The following GDF1 variants were observed in gnomAD, a reference collection of about 807,000 sequenced individuals.
The protein encoded by GDF1 is growth differentiation factor 1, also known as embryonic growth/differentiation factor 1.
In GDF1, 8 loss-of-function variants were observed where a neutral mutation model predicts 7.4. The observed-to-expected ratio is 1.09, with a 90% CI of 0.64 to 1.96. The LOEUF is 1.96. Ranked by LOEUF, GDF1 falls within the 30% of genes most tolerant of loss-of-function variation. The probability of loss-of-function intolerance (pLI) is 0.00; values close to 1 mark genes in which losing one functional copy is unlikely to be tolerated. For synonymous variants in GDF1, 311 were observed against 276.7 expected (o/e 1.12, Z -1.23); for missense variants, 574 against 551.5 (o/e 1.04, Z -0.41).
At position 18,878,006 on chromosome 19, in the gene GDF1, C is replaced by T; in HGVS notation, c.-313+924G>A. 2 of 985,548 alleles carry T rather than the reference C, an allele frequency of 2.0e-6. No homozygotes were observed. Among genetic ancestry groups the T allele is most frequent in the Non-Finnish European group, 2.4e-6 (2 of 829,976 alleles). 61.1% of individuals were successfully genotyped at this position (985,548 alleles called of 1,614,324 possible). A position where few individuals can be genotyped will look rare whatever the true frequency, so the allele number is the denominator to read the frequency against. On this transcript the variant is annotated intron_variant, in intron 6 of 7. Coordinates refer to ENST00000247005, the MANE Select transcript of GDF1 (RefSeq NM_001492.6). The surrounding 1 kb of genome is among the most constrained non-coding windows in gnomAD (Gnocchi z 4.6). The stretch of plus-strand genomic sequence containing the variant: ...CAAACAGGGTGGGGGGTCTGACGCT[C>T]CTCTGCCTGGCTACAGCCCCGGATG...
At chr19:18,887,617 T>C (rs1420691207) in intron 2 of GDF1, among the ~76,000 whole-genome samples, 5 of 152,008 alleles carry the variant, frequency 3.3e-5, no homozygotes, top group Admixed American at 3.3e-4. Flanking sequence ...TGGTGGCGCA[T>C]GCCTGTAATC....
At chr19:18,881,195 G>C (rs2056196898) in intron 3 of GDF1, among the ~76,000 whole-genome samples, 1 of 151,418 alleles carries the variant, frequency 6.6e-6, no homozygotes, top group Non-Finnish European at 1.5e-5. Flanking sequence ...CTCTGCCGCA[G>C]CCCATCAGGA....
chr19:18,886,527 C>G (rs1032134463), intron 2 of GDF1, among the ~76,000 whole-genome samples: 1 of 152,064 alleles, frequency 6.6e-6, no homozygotes, highest in Non-Finnish European at 1.5e-5. Context: ...TGCACTCCAG[C>G]CTGGGAGACA....
chr19:18,885,325 T>C (rs1386790885), intron 2 of GDF1, among the ~76,000 whole-genome samples: 1 of 151,482 alleles, frequency 6.6e-6, no homozygotes, highest in Non-Finnish European at 1.5e-5. Flanking sequence ...CTCAGCCTCC[T>C]GAGTAGCTGG....
intron 3 of GDF1, among the ~76,000 whole-genome samples, chr19:18,882,392 G>T (rs1350811264): frequency 6.6e-6 from 1 of 151,660 alleles, no homozygotes; most frequent in Non-Finnish European, 1.5e-5. Flanking sequence ...CAGCACTTTG[G>T]GAGGCCGAGG....
chr19:18,886,257 A>C, intron 2 of GDF1, among the ~76,000 whole-genome samples: 1 of 149,842 alleles, frequency 6.7e-6, no homozygotes, highest in South Asian at 2.1e-4. Flanking sequence ...AAATATATAA[A>C]AATTAGCTGG....
At chr19:18,884,677 G>T (rs2056305864) in intron 2 of GDF1, among the ~76,000 whole-genome samples, 1 of 144,288 alleles carries the variant, frequency 6.9e-6, no homozygotes, top group African/African-American at 2.6e-5. Flanking sequence ...AAAGTTCTGG[G>T]ATTACAGGCG....
In GDF1 at chr19:18,887,477, C is replaced by T. The variant is rs1046696146; in HGVS notation, c.-913-3210G>A. On this transcript the variant is annotated intron_variant, in intron 2 of 7. Transcript: ENST00000247005. ...ATGGACTAAAAGCTGATGAACTGTT[C>T]GCTTTAAAATGGTTAATTTTTGGCC... Among the ~76,000 whole-genome samples the T allele has an allele frequency of 7.2e-5, 11 of 152,116 alleles. No individual in the cohort carries two copies. In the South Asian group the frequency reaches 1.0e-3, roughly 14 times the overall value.
In GDF1 at chr19:18,879,038, T is replaced by G; in HGVS notation, c.-421A>C. ...CACCTTGGCTGCAAACGCCACGATG[T>G]ACTGCGAGAGGGGAGGGGAGGTGCC... On this transcript the variant is annotated splice_region_variant and 5_prime_UTR_variant, in exon 6 of 8. Transcript: ENST00000247005. 1 of 1,613,386 alleles carries G rather than the reference T, an allele frequency of 6.2e-7. No homozygotes were observed. Among genetic ancestry groups the G allele is most frequent in the Non-Finnish European group, 8.5e-7 (1 of 1,179,806 alleles).
chr19:18,884,056 T>A, intron 3 of GDF1, 31 bp downstream of exon 3: 1 of 1,598,596 alleles, frequency 6.3e-7, no homozygotes, highest in Non-Finnish European at 8.5e-7. Flanking sequence ...GGGCTGTGCC[T>A]CGGCCCCCTG....
intron 2 of GDF1, among the ~76,000 whole-genome samples, chr19:18,885,543 G>T (rs1424200107): frequency 1.6e-5 from 2 of 128,592 alleles, no homozygotes; most frequent in Admixed American, 8.4e-5. Context: ...TTTTTGAGAT[G>T]GAGTCTTGCT....
At position 18,895,443 on chromosome 19, in the gene GDF1, G is replaced by C. The variant is rs1035340025; in HGVS notation, c.-1074+381C>G. Among the ~76,000 whole-genome samples the C allele has an allele frequency of 2.6e-5, 4 of 152,076 alleles. No homozygotes were observed. Among genetic ancestry groups the C allele is most frequent in the Non-Finnish European group, 5.9e-5 (4 of 67,986 alleles). On this transcript the variant is annotated intron_variant, in intron 1 of 7. Coordinates refer to ENST00000247005, the MANE Select transcript of GDF1 (RefSeq NM_001492.6). This position sits in a 1 kb window ranked among gnomAD's most constrained non-coding sequence, Gnocchi z 6.4. The stretch of plus-strand genomic sequence containing the variant: ...GCCCTGCCGGAAAGAGCGCGCGGTG[G>C]CCGGAGCCATCCACCGCGCGGGGCC...
chr19:18,870,230 CA>C lies in GDF1; in HGVS notation c.77del (p.Leu26ArgfsTer18). On this transcript the variant is annotated frameshift_variant, in exon 7 of 8. Transcript: ENST00000247005. LOFTEE classifies it high-confidence loss of function. The surrounding 1 kb of genome is among the most constrained non-coding windows in gnomAD (Gnocchi z 5.1). ...GGCCTGGGGGCACGGGGGCGCGGGT[CA>C]GGGGCAGCGAGGGCAGCAGCAGGGC... ...LLALLLPSLP[L>X]TRAPVPPGPA... The C allele has an allele frequency of 1.3e-6, 2 of 1,550,228 alleles. No homozygotes were observed. The highest frequency in any genetic ancestry group is 8.7e-7 in the Non-Finnish European group (1 of 1,152,628).
chr19:18,896,121 C>G lies in GDF1; in HGVS notation c.-1371G>C. Reference sequence around the variant, plus strand: ...CGTCGCCTGCGCCCGCCCGCGGTAGCCGACGGAGCCGCGCGCCCCGCGTCA... The same window carrying G: ...CGTCGCCTGCGCCCGCCCGCGGTAGGCGACGGAGCCGCGCGCCCCGCGTCA... On this transcript the variant is annotated 5_prime_UTR_variant, in exon 1 of 8. Coordinates refer to ENST00000247005, the MANE Select transcript of GDF1 (RefSeq NM_001492.6). This position sits in a 1 kb window ranked among gnomAD's most constrained non-coding sequence, Gnocchi z 5.9. 1 of 740,058 alleles carries G rather than the reference C, an allele frequency of 1.4e-6. No homozygotes were observed. The highest frequency in any genetic ancestry group is 1.6e-6 in the Non-Finnish European group (1 of 608,838). 45.8% of individuals were successfully genotyped at this position (740,058 alleles called of 1,614,324 possible). A position where few individuals can be genotyped will look rare whatever the true frequency, so the allele number is the denominator to read the frequency against.
chr19:18,892,736 G>C (rs976174751), intron 2 of GDF1, among the ~76,000 whole-genome samples: 15 of 151,982 alleles, frequency 9.9e-5, no homozygotes, highest in Admixed American at 1.3e-4. Flanking sequence ...TGCTGTTACC[G>C]ACACCTGGAA....
At chr19:18,879,522 A>C (rs2056142378) in intron 4 of GDF1, 134 bp from the exon 5 acceptor site, 2 of 1,095,424 alleles carry the variant, frequency 1.8e-6, no homozygotes, top group South Asian at 3.2e-5. Flanking sequence ...TGTTTCTACT[A>C]CTGCTCTGTC....
chr19:18,894,060 T>G (rs1601193866), intron 1 of GDF1, among the ~76,000 whole-genome samples: 1 of 90,874 alleles, frequency 1.1e-5, no homozygotes. Context: ...GCTAGAGGGC[T>G]GGGAGAGACT....
chr19:18,889,370 C>T (rs573386376), intron 2 of GDF1, among the ~76,000 whole-genome samples: 14 of 152,170 alleles, frequency 9.2e-5, no homozygotes, highest in African/African-American at 3.1e-4. Flanking sequence ...AGCTCCTTCC[C>T]CACAGGATAG....
intron 3 of GDF1, 53 bp downstream of exon 3, chr19:18,884,034 C>A: frequency 6.4e-7 from 1 of 1,566,900 alleles, no homozygotes. Context: ...CATCAGCCTC[C>A]GCACTCTGTG....
Sources: gnomAD v4.1 joint callset for allele counts (sites outside exome capture counted in the v4.1 genomes callset) on GRCh38, gnomAD v4.1.1 for gene constraint, Gnocchi (gnomAD v3.1) non-coding constraint, MANE v1.5 for transcripts, NCBI Gene and HGNC (gene_info 2026-07-23, HGNC 2026-07-21) for gene names.